TMEM154: variants seen among roughly 807,000 people sequenced by gnomAD.
The protein encoded by TMEM154 is transmembrane protein 154.
Under a neutral mutation model 24.5 loss-of-function variants are expected in TMEM154, and 27 were observed. That is an observed-to-expected ratio of 1.10 (90% CI 0.81 to 1.52). TMEM154 has a LOEUF of 1.52. TMEM154 is among the 40% of genes most tolerant of loss of function. The probability of loss-of-function intolerance (pLI) is 0.00; values close to 1 mark genes in which losing one functional copy is unlikely to be tolerated. For synonymous variants in TMEM154, 67 were observed against 76.8 expected, an observed-to-expected ratio of 0.87 and a Z score of 0.67; for missense variants, 228 against 213.4, an observed-to-expected ratio of 1.07 and a Z score of -0.43.
rs1451989450 is a variant in TMEM154 at position 152,620,006 on chromosome 4, G to C, written c.*8540C>G. 6.6e-6 allele frequency: 1 copy of C among 152,276 alleles called. No individual in the cohort carries two copies. Among genetic ancestry groups the C allele is most frequent in the Non-Finnish European group, 1.5e-5 (1 of 68,098 alleles). 9.4% of individuals were successfully genotyped at this position (152,276 alleles called of 1,614,324 possible). On this transcript the variant is annotated 3_prime_UTR_variant, in exon 7 of 7. Transcript: ENST00000304385. ...GTGTGAACACTGGATGCCTCCAGGG[G>C]TGGGCCACTTGAGCTCAGGCTGAAT...
chr4:152,639,568 ATCTC>A (rs60051091), intron 6 of TMEM154, among the ~76,000 whole-genome samples: 5 of 143,010 alleles, frequency 3.5e-5, no homozygotes, highest in South Asian at 2.3e-4. Flanking sequence ...TTGTTAATCA[ATCTC>A]TCTCTCTCTC....
chr4:152,641,041 C>G, intron 5 of TMEM154, 56 bp from the exon 6 acceptor site: 1 of 1,535,746 alleles, frequency 6.5e-7, no homozygotes, highest in Non-Finnish European at 8.9e-7. Context: ...ATTTTCTATC[C>G]ACAAACCTGA....
chr4:152,631,793 CTTTTTTTTTTTTTTTT>C (rs34455123), intron 6 of TMEM154, among the ~76,000 whole-genome samples: 2 of 61,356 alleles, frequency 3.3e-5, no homozygotes, highest in Admixed American at 2.7e-4. Context: ...ATCTATCCCC[CTTTTTTTTTTTTTTTT>C]TTTTTTTTTT....
At chr4:152,653,032 G>T in intron 1 of TMEM154, 105 bp from the exon 2 acceptor site, 2 of 1,242,448 alleles carry the variant, frequency 1.6e-6, no homozygotes, top group Admixed American at 3.0e-5. Context: ...TGATAAATTT[G>T]ACCCACTATA....
chr4:152,647,229 G>A, intron 3 of TMEM154: 1 of 985,058 alleles, frequency 1.0e-6, no homozygotes, highest in African/African-American at 1.7e-5. Flanking sequence ...CTTCCCAGGG[G>A]ACATAGTGTG....
Position 152,678,359 on chromosome 4 carries a change from AAAAAAGTTCAGGC to A in TMEM154, c.64+1498_64+1510del, listed in dbSNP as rs895763152. ...ACTCAATCATTTTTTAGAAGCTAAA[AAAAAAGTTCAGGC>A]AAGATGAATTAGTATTAAGGGAGTG... is the stretch of plus-strand genomic sequence containing the variant. On this transcript the variant is annotated intron_variant, in intron 1 of 6. Coordinates refer to ENST00000304385, the MANE Select transcript of TMEM154 (RefSeq NM_152680.3). 2.2e-3 allele frequency among the ~76,000 whole-genome samples: 335 copies of A among 152,282 alleles called. 2 individuals are homozygous for A. The highest frequency in any genetic ancestry group is 7.6e-3 in the African/African-American group (315 of 41,550).
In TMEM154 at chr4:152,624,021, G is replaced by A. The variant is rs1021904811; in HGVS notation, c.*4525C>T. ...ACCATTACCCAAGCCTTCTGTACCT[G>A]AAGTCCAATTGTAAAAAAAACCCCA... On this transcript the variant is annotated 3_prime_UTR_variant, in exon 7 of 7. Transcript: ENST00000304385. 6.6e-6 allele frequency: 1 copy of A among 152,100 alleles called. No individual in the cohort carries two copies. The highest frequency in any genetic ancestry group is 1.5e-5 in the Non-Finnish European group (1 of 68,036). The allele number at this position is 152,100 out of a possible 1,614,324, so 9.4% of individuals were successfully genotyped here.
intron 6 of TMEM154, among the ~76,000 whole-genome samples, chr4:152,632,740 G>T (rs954165578): frequency 2.0e-5 from 3 of 152,114 alleles, no homozygotes; most frequent in Non-Finnish European, 2.9e-5. Flanking sequence ...GTGTGCTAAC[G>T]AGTGGCTTTT....
intron 4 of TMEM154, among the ~76,000 whole-genome samples, chr4:152,644,063 G>A (rs569507578): frequency 6.6e-6 from 1 of 152,262 alleles, no homozygotes; most frequent in South Asian, 2.1e-4. Flanking sequence ...CTTTCCTGGT[G>A]ATAAAATTTC....
rs578066581 is a variant in TMEM154, at chr4:152,643,235, G to C, written c.393-62C>G. Reference sequence around the variant, plus strand: ...TGTGAAAGATGCCTAATTTCATTTGGAAAGAGACTAGAATGCTGATCCTGA... The same window carrying C: ...TGTGAAAGATGCCTAATTTCATTTGCAAAGAGACTAGAATGCTGATCCTGA... On this transcript the variant is annotated intron_variant, in intron 4 of 6. Transcript: ENST00000304385. 7.3e-5 allele frequency: 91 copies of C among 1,240,534 alleles called. 2 individuals carry two copies. The East Asian group carries it at 9.5e-4, about 13-fold the overall frequency. The allele number at this position is 1,240,534 out of a possible 1,614,324, so 76.8% of individuals were successfully genotyped here.
At chr4:152,677,294 G>A (rs1447069375) in intron 1 of TMEM154, among the ~76,000 whole-genome samples, 1 of 152,142 alleles carries the variant, frequency 6.6e-6, no homozygotes, top group Non-Finnish European at 1.5e-5. Context: ...TAACAGTGCT[G>A]GTCTCATGCA....
Position 152,646,223 on chromosome 4 carries a change from C to T in TMEM154, c.365-1781G>A, listed in dbSNP as rs186955243. Among the ~76,000 whole-genome samples, 9 of 152,192 alleles carry T rather than the reference C, an allele frequency of 5.9e-5. No individual in the cohort carries two copies. In the East Asian group the frequency reaches 7.7e-4, roughly 13 times the overall value. On this transcript the variant is annotated intron_variant, in intron 3 of 6. Coordinates refer to ENST00000304385, the MANE Select transcript of TMEM154 (RefSeq NM_152680.3). ...TGGGCATGGATATATCTTTATAATC[C>T]GGGTTCCCCACAGGCTTCAGGGTGA...
At chr4:152,630,562 G>A (rs1041452911) in intron 6 of TMEM154, among the ~76,000 whole-genome samples, 2 of 152,076 alleles carry the variant, frequency 1.3e-5, no homozygotes, top group African/African-American at 4.8e-5. Context: ...TTTCCTTTGT[G>A]ACCTTATCTT....
intron 6 of TMEM154, among the ~76,000 whole-genome samples, chr4:152,632,210 TTTTC>T (rs763569842): frequency 2.0e-5 from 3 of 152,188 alleles, no homozygotes; most frequent in Non-Finnish European, 4.4e-5. Flanking sequence ...TTCTGGCTTT[TTTTC>T]TTTCTTTTTA....
At chr4:152,642,958 A>T in intron 5 of TMEM154, 130 bp downstream of exon 5, 2 of 703,624 alleles carry the variant, frequency 2.8e-6, no homozygotes, top group Non-Finnish European at 4.9e-6. Flanking sequence ...TATTATCTGC[A>T]TGTACCAGAT....
chr4:152,652,163 G>T (rs552630935), intron 3 of TMEM154, among the ~76,000 whole-genome samples: 1 of 151,926 alleles, frequency 6.6e-6, no homozygotes, highest in African/African-American at 2.4e-5. Context: ...TTGAAATATT[G>T]TGAGAATTAT....
At chr4:152,643,810 C>T (rs1036458615) in intron 4 of TMEM154, among the ~76,000 whole-genome samples, 39 of 152,104 alleles carry the variant, frequency 2.6e-4, no homozygotes, top group African/African-American at 7.0e-4. Flanking sequence ...GTAGAGGAAG[C>T]GATAAAGTTT....
Position 152,652,745 on chromosome 4 carries a change from G to C in TMEM154, c.247C>G (p.Pro83Ala). The part of the protein sequence containing the change: ...QLEFILMVLI[P>A]LILLVLLLLS... ...AGTAAGAGGACCAATAAAATCAATG[G>C]GATTAACACCATCAGTATAAACTCT... is the stretch of plus-strand genomic sequence containing the variant. The change falls in exon 2 of 7, where the codon CCA (proline) becomes GCA (alanine). Residue 83 changes from proline (P) to alanine (A), a missense_variant. Physicochemically the swap from Pro to Ala is conservative, Grantham distance 27. Transcript: ENST00000304385. The C allele has an allele frequency of 6.2e-7, 1 of 1,613,960 alleles. No individual in the cohort carries two copies. The highest frequency in any genetic ancestry group is 8.5e-7 in the Non-Finnish European group (1 of 1,179,926).
At chr4:152,675,707 C>A (rs1266587881) in intron 1 of TMEM154, among the ~76,000 whole-genome samples, 2 of 152,176 alleles carry the variant, frequency 1.3e-5, no homozygotes, top group Non-Finnish European at 2.9e-5. Flanking sequence ...GATGGCTTGA[C>A]CGTCAAGATA....
Sources: gnomAD v4.1 joint callset for allele counts (sites outside exome capture counted in the v4.1 genomes callset) on GRCh38, gnomAD v4.1.1 for gene constraint, MANE v1.5 for transcripts, NCBI Gene and HGNC (gene_info 2026-07-23, HGNC 2026-07-21) for gene names.